The following SDK1 variants were observed in gnomAD, a reference collection of about 807,000 sequenced individuals.
SDK1 encodes the protein protein sidekick-1.
In SDK1, 157 loss-of-function variants were observed where a neutral mutation model predicts 245.5. The observed-to-expected ratio is 0.64, with a 90% CI of 0.56 to 0.73. SDK1 has a LOEUF of 0.73. Ranked by LOEUF, SDK1 falls within the 30% of genes least tolerant of loss-of-function variation. The pLI is 0.00. For synonymous variants in SDK1, 1,647 were observed against 1,278.5 expected, an observed-to-expected ratio of 1.29 and a Z score of -6.15; for missense variants, 3,583 against 3,002.3, an observed-to-expected ratio of 1.19 and a Z score of -4.52.
chr7:3,950,111 A>T (rs984511127), intron 5 of SDK1, among the ~76,000 whole-genome samples: 2 of 152,262 alleles, frequency 1.3e-5, no homozygotes, highest in African/African-American at 4.8e-5. Flanking sequence ...AACAGTTTAA[A>T]TAAAGCCCCT....
Position 4,251,354 on chromosome 7 carries a change from A to G in SDK1, c.6381+5549A>G, listed in dbSNP as rs184773607. Among the ~76,000 whole-genome samples, 281 of 152,356 alleles carry G rather than the reference A, an allele frequency of 1.8e-3. 2 individuals carry two copies. Among genetic ancestry groups the G allele is most frequent in the Non-Finnish European group, 2.4e-3 (160 of 68,034 alleles). On this transcript the variant is annotated intron_variant, in intron 44 of 44. Transcript: ENST00000404826. ...AAAATCACAAAGGGAAAATGTGCAC[A>G]GAGCAAAGTCCAGAGGAGACCAGAT...
At chr7:3,421,018 A>G (rs1011804892) in intron 1 of SDK1, among the ~76,000 whole-genome samples, 4 of 151,422 alleles carry the variant, frequency 2.6e-5, no homozygotes, top group Non-Finnish European at 5.9e-5. Context: ...GTACTGTTTA[A>G]GCAGCTTTGT....
chr7:3,692,821 G>A (rs1008374980), intron 4 of SDK1, among the ~76,000 whole-genome samples: 1 of 152,052 alleles, frequency 6.6e-6, no homozygotes, highest in South Asian at 2.1e-4. Context: ...CCTTCAAGTG[G>A]TATTTGTGTC....
At chr7:3,990,070 A>G (rs1405075555) in intron 14 of SDK1, among the ~76,000 whole-genome samples, 1 of 152,216 alleles carries the variant, frequency 6.6e-6, no homozygotes, top group African/African-American at 2.4e-5. Context: ...CTTCAGGGAG[A>G]GGCCACACTT....
chr7:4,064,443 A>T (rs1337909785), intron 19 of SDK1, among the ~76,000 whole-genome samples: 1 of 152,238 alleles, frequency 6.6e-6, no homozygotes, highest in Non-Finnish European at 1.5e-5. Context: ...TGTGGAGAAC[A>T]GGGAACTCTA....
intron 1 of SDK1, among the ~76,000 whole-genome samples, chr7:3,565,340 G>T (rs1265363610): frequency 6.6e-6 from 1 of 152,134 alleles, no homozygotes; most frequent in African/African-American, 2.4e-5. Context: ...TTCAACAGAG[G>T]GAGATTGAAA....
chr7:4,187,344 AC>A (rs1188356255), intron 35 of SDK1, among the ~76,000 whole-genome samples: 1 of 152,252 alleles, frequency 6.6e-6, no homozygotes, highest in Non-Finnish European at 1.5e-5. Flanking sequence ...GAACACTGTT[AC>A]AAATCTTTTC....
chr7:3,865,018 A>G (rs1016873594), intron 5 of SDK1, among the ~76,000 whole-genome samples: 2 of 152,270 alleles, frequency 1.3e-5, no homozygotes, highest in African/African-American at 2.4e-5. Flanking sequence ...CACATTTCCT[A>G]TACGTTTCTT....
chr7:4,005,965 G>A (rs1785456884), intron 14 of SDK1, among the ~76,000 whole-genome samples: 1 of 136,098 alleles, frequency 7.3e-6, no homozygotes, highest in Non-Finnish European at 1.6e-5. Context: ...AAAAGAACAT[G>A]ACTAAGGCAG....
chr7:3,939,577 G>A (rs1470049587), intron 5 of SDK1, among the ~76,000 whole-genome samples: 1 of 152,122 alleles, frequency 6.6e-6, no homozygotes, highest in Non-Finnish European at 1.5e-5. Context: ...TTGGTGGGCT[G>A]GGGATGACCT....
chr7:3,525,493 G>T (rs1445139467), intron 1 of SDK1, among the ~76,000 whole-genome samples: 2 of 152,108 alleles, frequency 1.3e-5, no homozygotes, highest in East Asian at 3.9e-4. Context: ...GGTTAAGGTG[G>T]CTGAACTGAA....
intron 2 of SDK1, among the ~76,000 whole-genome samples, chr7:3,620,907 G>A (rs561204813): frequency 2.1e-4 from 32 of 152,222 alleles, no homozygotes; most frequent in African/African-American, 7.7e-4. Context: ...ATCTACACTC[G>A]AGGAAAAGTT....
Position 3,470,748 on chromosome 7 carries a change from G to A in SDK1, c.299-148332G>A, listed in dbSNP as rs116267483. Among the ~76,000 whole-genome samples, 430 of 152,256 alleles carry A rather than the reference G, an allele frequency of 2.8e-3. 1 individual carries two copies. The highest frequency in any genetic ancestry group is 9.7e-3 in the African/African-American group (403 of 41,548). ...ATCCAGTTTTCCAAATTCCTTTTCC[G>A]AAATCCCAGGCTTTTTATGAAATTT... On this transcript the variant is annotated intron_variant, in intron 1 of 44. Transcript: ENST00000404826.
chr7:3,533,641 G>C (rs576760110), intron 1 of SDK1, among the ~76,000 whole-genome samples: 1 of 151,926 alleles, frequency 6.6e-6, no homozygotes, highest in Non-Finnish European at 1.5e-5. Context: ...AGTTTTTTTG[G>C]TATTATTTCT....
At chr7:3,440,752 C>T (rs915094936) in intron 1 of SDK1, among the ~76,000 whole-genome samples, 7 of 152,114 alleles carry the variant, frequency 4.6e-5, no homozygotes, top group African/African-American at 1.4e-4. Flanking sequence ...AATTGTGAAA[C>T]AGGACAAGTA....
intron 5 of SDK1, among the ~76,000 whole-genome samples, chr7:3,881,070 T>C (rs1400395005): frequency 1.3e-5 from 2 of 150,894 alleles, no homozygotes; most frequent in African/African-American, 4.9e-5. Flanking sequence ...CAAACATTCT[T>C]TTTTTTTTAA....
chr7:3,807,108 C>A (rs1033890613), intron 4 of SDK1, among the ~76,000 whole-genome samples: 1 of 152,052 alleles, frequency 6.6e-6, no homozygotes, highest in Non-Finnish European at 1.5e-5. Context: ...CTGGGAAAGT[C>A]CAAAGTTCTT....
chr7:3,602,965 T>G (rs1781296746), intron 1 of SDK1, among the ~76,000 whole-genome samples: 1 of 152,160 alleles, frequency 6.6e-6, no homozygotes, highest in Admixed American at 6.5e-5. Context: ...TTTTCTCAGG[T>G]TTGTCAAAGA....
intron 1 of SDK1, among the ~76,000 whole-genome samples, chr7:3,504,736 C>G (rs1367985759): frequency 2.0e-5 from 3 of 150,752 alleles, no homozygotes; most frequent in Non-Finnish European, 4.4e-5. Flanking sequence ...TTGGGTTAGG[C>G]AGTTGTTTCT....
Sources: allele counts gnomAD v4.1 joint callset (sites outside exome capture counted in the v4.1 genomes callset), GRCh38; gene constraint gnomAD v4.1.1; transcripts MANE v1.5; gene names NCBI Gene and HGNC (gene_info 2026-07-23, HGNC 2026-07-21).